FAM220A: variants seen among roughly 807,000 people sequenced by gnomAD.
The protein encoded by FAM220A is family with sequence similarity 220 member A, also known as protein FAM220A.
For synonymous variants in FAM220A, 141 were observed against 130.7 expected (o/e 1.08, Z -0.54); for missense variants, 392 against 321.6 (o/e 1.22, Z -1.68).
intron 1 of FAM220A, among the ~76,000 whole-genome samples, chr7:6,332,068 T>C (rs1377000855): frequency 6.8e-6 from 1 of 147,818 alleles, no homozygotes; most frequent in East Asian, 2.0e-4. Flanking sequence ...GCCGAGATCA[T>C]GCCACTGCAC....
intron 1 of FAM220A, among the ~76,000 whole-genome samples, chr7:6,335,017 T>C (rs1223074095): frequency 6.6e-6 from 1 of 152,072 alleles, no homozygotes; most frequent in Non-Finnish European, 1.5e-5. Context: ...TCCACCCGCC[T>C]TGGCCTCCCA....
chr7:6,343,812 T>C (rs959995916), intron 1 of FAM220A, among the ~76,000 whole-genome samples: 2 of 152,112 alleles, frequency 1.3e-5, no homozygotes, highest in African/African-American at 2.4e-5. Flanking sequence ...AGGGGCTCCC[T>C]AAACAAATTT....
chr7:6,335,645 A>C (rs1010657946), intron 1 of FAM220A, among the ~76,000 whole-genome samples: 16 of 152,186 alleles, frequency 1.1e-4, no homozygotes, highest in African/African-American at 3.9e-4. Context: ...TGAGCAAAAT[A>C]TACACTTTAT....
intron 1 of FAM220A, among the ~76,000 whole-genome samples, chr7:6,332,666 C>T (rs1781660431): frequency 6.6e-6 from 1 of 151,932 alleles, no homozygotes. Flanking sequence ...TCACTCTGCC[C>T]TCTGACCTGG....
At chr7:6,339,090 C>T (rs1781801094) in intron 1 of FAM220A, among the ~76,000 whole-genome samples, 1 of 152,198 alleles carries the variant, frequency 6.6e-6, no homozygotes, top group Admixed American at 6.6e-5. Flanking sequence ...ATGACCACAG[C>T]ACTTCTAAAT....
At chr7:6,338,888 C>T (rs1002544127) in intron 1 of FAM220A, among the ~76,000 whole-genome samples, 12 of 152,312 alleles carry the variant, frequency 7.9e-5, no homozygotes, top group Admixed American at 3.3e-4. Flanking sequence ...CCAGCAGGGC[C>T]GCGGTGGGCC....
chr7:6,332,298 G>T (rs915943102), intron 1 of FAM220A, among the ~76,000 whole-genome samples: 1 of 151,918 alleles, frequency 6.6e-6, no homozygotes, highest in Non-Finnish European at 1.5e-5. Flanking sequence ...AAAAGTTCCT[G>T]TCCAAAGAAA....
At chr7:6,344,508 G>A (rs138284112) in intron 1 of FAM220A, among the ~76,000 whole-genome samples, 7 of 151,848 alleles carry the variant, frequency 4.6e-5, no homozygotes, top group East Asian at 3.9e-4. Context: ...CTGCCTCCTC[G>A]ACCTTCTGGC....
intron 1 of FAM220A, among the ~76,000 whole-genome samples, chr7:6,340,901 A>AT (rs1446103005): frequency 2.0e-5 from 3 of 147,276 alleles, no homozygotes; most frequent in Admixed American, 6.8e-5. Flanking sequence ...TCCATCTCAA[A>AT]AAAAAAAAAA....
intron 1 of FAM220A, among the ~76,000 whole-genome samples, chr7:6,332,344 G>T (rs569461298): frequency 9.9e-5 from 15 of 152,192 alleles, no homozygotes; most frequent in African/African-American, 3.6e-4. Flanking sequence ...AATTAAATTA[G>T]TCTCATGGAA....
chr7:6,340,192 G>A (rs1487935479), intron 1 of FAM220A, among the ~76,000 whole-genome samples: 2 of 152,076 alleles, frequency 1.3e-5, no homozygotes, highest in African/African-American at 4.8e-5. Flanking sequence ...GCCCCTCCCA[G>A]GATTCTGTGA....
At chr7:6,343,437 T>C (rs1347779445) in intron 1 of FAM220A, among the ~76,000 whole-genome samples, 1 of 104,302 alleles carries the variant, frequency 9.6e-6, no homozygotes, top group African/African-American at 3.6e-5. Context: ...TATATATATA[T>C]ATATATATGA....
chr7:6,330,207 G>T lies in FAM220A; in HGVS notation c.*168C>A. 3.0e-6 allele frequency: 2 copies of T among 673,990 alleles called. No homozygotes were observed. The highest frequency in any genetic ancestry group is 2.1e-5 in the South Asian group (1 of 47,414). The allele number at this position is 673,990 out of a possible 1,614,324, so 41.8% of individuals were successfully genotyped here. Reference sequence around the variant, plus strand: ...AACACATGCCAAAAAAGTTCCTTCCGCATCAACTGGCTTTGAATTTAAACT... The same window carrying T: ...AACACATGCCAAAAAAGTTCCTTCCTCATCAACTGGCTTTGAATTTAAACT... On this transcript the variant is annotated 3_prime_UTR_variant, in exon 2 of 2. Transcript: ENST00000313324.
rs1485734747 is a variant in FAM220A, at chr7:6,329,559, G to C, written c.*816C>G. ...CCCGAAAATGTTTAAGTTTCACTTT[G>C]GGAGTCTTTAAAAACTTATGTCCTT... On this transcript the variant is annotated 3_prime_UTR_variant, in exon 2 of 2. Coordinates refer to ENST00000313324, the MANE Select transcript of FAM220A (RefSeq NM_001037163.2). 6.5e-6 allele frequency: 1 copy of C among 154,198 alleles called. No homozygotes were observed. Among genetic ancestry groups the C allele is most frequent in the Non-Finnish European group, 1.5e-5 (1 of 68,050 alleles). 9.6% of individuals were successfully genotyped at this position (154,198 alleles called of 1,614,324 possible). A position where few individuals can be genotyped will look rare whatever the true frequency, so the allele number is the denominator to read the frequency against.
intron 1 of FAM220A, among the ~76,000 whole-genome samples, chr7:6,336,751 G>A (rs1243045786): frequency 1.3e-5 from 2 of 150,110 alleles, no homozygotes; most frequent in South Asian, 4.2e-4. Context: ...CTTCCTCAAG[G>A]TTGGGTCATC....
chr7:6,346,937 C>CAA (rs1184291246), intron 1 of FAM220A, among the ~76,000 whole-genome samples: 3 of 152,154 alleles, frequency 2.0e-5, no homozygotes, highest in African/African-American at 7.2e-5. Context: ...TCCTTCAGCA[C>CAA]AGAGGTATGC....
chr7:6,348,173 G>C (rs1466519391), intron 1 of FAM220A, among the ~76,000 whole-genome samples: 1 of 148,352 alleles, frequency 6.7e-6, no homozygotes, highest in Admixed American at 6.8e-5. Context: ...GCCTCCCAAA[G>C]TGCATTACAG....
At position 6,346,080 on chromosome 7, in the gene FAM220A, T is replaced by A. The variant is rs546117255; in HGVS notation, c.-82+2493A>T. 2.6e-5 allele frequency among the ~76,000 whole-genome samples: 4 copies of A among 152,194 alleles called. No homozygotes were observed. The South Asian group carries it at 6.2e-4, about 24-fold the overall frequency. ...CACCATGCCCAGCCAAAGTTTGTTT[T>A]TTAAAAATCCGGATTGGAAATCTAA... On this transcript the variant is annotated intron_variant, in intron 1 of 1. Coordinates refer to ENST00000313324, the MANE Select transcript of FAM220A (RefSeq NM_001037163.2).
chr7:6,346,806 C>T (rs1424774832), intron 1 of FAM220A, among the ~76,000 whole-genome samples: 8 of 152,164 alleles, frequency 5.3e-5, no homozygotes, highest in African/African-American at 1.7e-4. Context: ...TATGGCCAAA[C>T]CGACGTTAGA....
Sources: gnomAD v4.1 joint callset for allele counts (sites outside exome capture counted in the v4.1 genomes callset) on GRCh38, gnomAD v4.1.1 for gene constraint, MANE v1.5 for transcripts, NCBI Gene and HGNC (gene_info 2026-07-23, HGNC 2026-07-21) for gene names.